Variants in NOL4 observed in about 807,000 individuals in gnomAD.
NOL4 encodes the protein nucleolar protein 4.
NOL4 carries 17 observed loss-of-function variants against 75.9 expected under a neutral mutation model. That is an observed-to-expected ratio of 0.22 (90% CI 0.15 to 0.34). The LOEUF is 0.34. Ranked by LOEUF, NOL4 falls within the 10% of genes least tolerant of loss-of-function variation. The pLI is 1.00. For synonymous variants in NOL4, 292 were observed against 289.9 expected (o/e 1.01, Z -0.07); for missense variants, 614 against 793.5 (o/e 0.77, Z 2.72).
At chr18:34,068,220 A>G (rs954278770) in intron 5 of NOL4, among the ~76,000 whole-genome samples, 1 of 152,146 alleles carries the variant, frequency 6.6e-6, no homozygotes, top group Non-Finnish European at 1.5e-5. Context: ...AGCCAAGACT[A>G]GGTGACAGTT....
At chr18:33,924,733 C>T (rs1308826481) in intron 9 of NOL4, among the ~76,000 whole-genome samples, 2 of 152,024 alleles carry the variant, frequency 1.3e-5, no homozygotes, top group African/African-American at 2.4e-5. Flanking sequence ...ACAATGTTAG[C>T]GGGGAATATA....
chr18:33,950,410 T>C (rs2069135844), intron 8 of NOL4, among the ~76,000 whole-genome samples: 1 of 152,110 alleles, frequency 6.6e-6, no homozygotes. Flanking sequence ...ATAAAAATTA[T>C]CTTATCTCTC....
At chr18:33,875,507 G>A (rs1053678304) in intron 10 of NOL4, among the ~76,000 whole-genome samples, 2 of 151,858 alleles carry the variant, frequency 1.3e-5, no homozygotes, top group Non-Finnish European at 2.9e-5. Flanking sequence ...GTCTCCAATC[G>A]GGCAAGATTT....
rs143240425 is a variant in NOL4, at chr18:33,979,674, A to G, written c.1057-21256T>C. On this transcript the variant is annotated intron_variant, in intron 6 of 10. Transcript: ENST00000261592. Reference sequence around the variant, plus strand: ...TTGAAATACTCCAAAAGCATCCTATAAAATATATTGATATTTCTCCAGAAA... The same window carrying G: ...TTGAAATACTCCAAAAGCATCCTATGAAATATATTGATATTTCTCCAGAAA... Among the ~76,000 whole-genome samples, 199 of 152,108 alleles carry G rather than the reference A, an allele frequency of 1.3e-3. 3 individuals carry two copies. The East Asian group carries it at 0.036, about 27-fold the overall frequency.
At chr18:33,964,070 C>T (rs755695544) in intron 6 of NOL4, among the ~76,000 whole-genome samples, 4 of 152,108 alleles carry the variant, frequency 2.6e-5, no homozygotes, top group South Asian at 2.1e-4. Context: ...CAGCAGTGAT[C>T]GTAAGGTATC....
intron 10 of NOL4, among the ~76,000 whole-genome samples, chr18:33,862,314 AC>A (rs1460389472): frequency 6.6e-6 from 1 of 152,280 alleles, no homozygotes; most frequent in Non-Finnish European, 1.5e-5. Flanking sequence ...AACCATAAAA[AC>A]CCTAGAAGAA....
intron 1 of NOL4, among the ~76,000 whole-genome samples, chr18:34,200,550 T>C (rs2035660505): frequency 6.6e-6 from 1 of 151,772 alleles, no homozygotes; most frequent in Admixed American, 6.6e-5. Context: ...AACAAAAACT[T>C]GGCAAATTGG....
At chr18:34,068,104 C>A (rs946157016) in intron 5 of NOL4, among the ~76,000 whole-genome samples, 3 of 152,052 alleles carry the variant, frequency 2.0e-5, no homozygotes, top group African/African-American at 7.3e-5. Context: ...AGGAGGTGAG[C>A]AAAGACCCTC....
chr18:33,904,361 C>A (rs535299199), intron 9 of NOL4, among the ~76,000 whole-genome samples: 1 of 151,974 alleles, frequency 6.6e-6, no homozygotes, highest in East Asian at 1.9e-4. Flanking sequence ...AATCCTATGT[C>A]CCTCACTAAT....
chr18:34,191,852 A>T (rs536152872), intron 1 of NOL4, among the ~76,000 whole-genome samples: 1 of 152,138 alleles, frequency 6.6e-6, no homozygotes, highest in African/African-American at 2.4e-5. Context: ...GATATTAGCT[A>T]CAAGTCTGTC....
At chr18:34,128,421 A>G (rs1568373589) in intron 2 of NOL4, among the ~76,000 whole-genome samples, 1 of 152,060 alleles carries the variant, frequency 6.6e-6, no homozygotes, top group South Asian at 2.1e-4. Context: ...TTATAAGATT[A>G]CACAGTTAGT....
chr18:34,177,830 A>G (rs1203583483), intron 1 of NOL4, among the ~76,000 whole-genome samples: 1 of 151,912 alleles, frequency 6.6e-6, no homozygotes, highest in East Asian at 1.9e-4. Context: ...ATTTGTCACT[A>G]GCATACTTGA....
chr18:34,135,714 T>C (rs1382857527), intron 1 of NOL4, among the ~76,000 whole-genome samples: 3 of 27,906 alleles, frequency 1.1e-4, no homozygotes, highest in Non-Finnish European at 1.6e-4. Context: ...AAAAAAAAGC[T>C]TTTCACACAC....
At chr18:34,165,205 C>T (rs991558270) in intron 1 of NOL4, among the ~76,000 whole-genome samples, 1 of 151,370 alleles carries the variant, frequency 6.6e-6, no homozygotes, top group African/African-American at 2.4e-5. Context: ...CTAACCTGCA[C>T]ATTGTGCACA....
intron 1 of NOL4, among the ~76,000 whole-genome samples, chr18:34,208,897 C>T (rs2036310911): frequency 6.6e-6 from 1 of 151,446 alleles, no homozygotes; most frequent in Admixed American, 6.6e-5. Flanking sequence ...TATCATAATT[C>T]ATTGGGAAAG....
intron 1 of NOL4, among the ~76,000 whole-genome samples, chr18:34,187,169 T>C (rs1226669350): frequency 6.6e-6 from 1 of 152,160 alleles, no homozygotes; most frequent in African/African-American, 2.4e-5. Flanking sequence ...TAAAATTCCC[T>C]TGTGCTCTGC....
At chr18:34,184,862 G>GT (rs2034332040) in intron 1 of NOL4, among the ~76,000 whole-genome samples, 1 of 152,122 alleles carries the variant, frequency 6.6e-6, no homozygotes, top group Non-Finnish European at 1.5e-5. Context: ...TTTGTATAAA[G>GT]TAAGTGGTGA....
intron 4 of NOL4, among the ~76,000 whole-genome samples, chr18:34,098,820 A>C (rs1425839857): frequency 1.3e-5 from 2 of 152,128 alleles, no homozygotes; most frequent in African/African-American, 4.8e-5. Flanking sequence ...TCTCTCTACC[A>C]GTTTAATCAT....
chr18:34,212,469 T>C (rs2146570736), intron 1 of NOL4, among the ~76,000 whole-genome samples: 1 of 152,358 alleles, frequency 6.6e-6, no homozygotes, highest in Middle Eastern at 3.4e-3. Flanking sequence ...AATTTTACAT[T>C]AAAGAACTAT....
Sources: allele counts gnomAD v4.1 joint callset (sites outside exome capture counted in the v4.1 genomes callset), GRCh38; gene constraint gnomAD v4.1.1; transcripts MANE v1.5; gene names NCBI Gene and HGNC (gene_info 2026-07-23, HGNC 2026-07-21).